ARHGEF38: variants seen among roughly 807,000 people sequenced by gnomAD.
ARHGEF38 encodes the protein Rho guanine nucleotide exchange factor 38, also known as Rho guanine nucleotide exchange factor (GEF) 38.
In ARHGEF38, 79 loss-of-function variants were observed where a neutral mutation model predicts 79.9. The observed-to-expected ratio is 0.99, with a 90% CI of 0.82 to 1.19. The LOEUF is 1.19. ARHGEF38 is among the 50% of genes most tolerant of loss of function. The pLI is 0.00. For synonymous variants in ARHGEF38, 366 were observed against 328.3 expected, an observed-to-expected ratio of 1.11 and a Z score of -1.24; for missense variants, 962 against 907.2, an observed-to-expected ratio of 1.06 and a Z score of -0.78.
At chr4:105,583,582 C>A (rs1193161398) in intron 1 of ARHGEF38, among the ~76,000 whole-genome samples, 1 of 152,214 alleles carries the variant, frequency 6.6e-6, no homozygotes, top group East Asian at 1.9e-4. Context: ...ACGTTTTAAG[C>A]TCTTCCTAGC....
chr4:105,627,945 A>C (rs1368718546), intron 3 of ARHGEF38, among the ~76,000 whole-genome samples: 2 of 152,158 alleles, frequency 1.3e-5, no homozygotes, highest in Non-Finnish European at 2.9e-5. Context: ...TGGGGGAATA[A>C]ATGACTTTCA....
chr4:105,611,930 G>A, intron 2 of ARHGEF38, among the ~76,000 whole-genome samples: 1 of 152,092 alleles, frequency 6.6e-6, no homozygotes, highest in East Asian at 1.9e-4. Flanking sequence ...AGGACAGGAT[G>A]AATGATGGGA....
At chr4:105,569,616 C>T (rs77167945) in intron 1 of ARHGEF38, among the ~76,000 whole-genome samples, 164 of 152,296 alleles carry the variant, frequency 1.1e-3, no homozygotes, top group African/African-American at 3.8e-3. Flanking sequence ...TATCTCAATT[C>T]TCACAACCTC....
At chr4:105,668,215 T>G (rs1473958250) in intron 13 of ARHGEF38, among the ~76,000 whole-genome samples, 3 of 151,948 alleles carry the variant, frequency 2.0e-5, no homozygotes, top group Admixed American at 2.0e-4. Flanking sequence ...GGAGTCTCAC[T>G]CTGTCGCCCA....
At chr4:105,553,952 C>T (rs1166137416) in intron 1 of ARHGEF38, among the ~76,000 whole-genome samples, 1 of 151,896 alleles carries the variant, frequency 6.6e-6, no homozygotes, top group African/African-American at 2.4e-5. Context: ...CAAATATGAG[C>T]TTAGATTTAG....
At chr4:105,632,398 A>G (rs1729232832) in intron 4 of ARHGEF38, among the ~76,000 whole-genome samples, 1 of 152,192 alleles carries the variant, frequency 6.6e-6, no homozygotes, top group South Asian at 2.1e-4. Context: ...TTAAGTCTTA[A>G]ATATAAGATG....
intron 4 of ARHGEF38, among the ~76,000 whole-genome samples, chr4:105,634,305 C>A (rs1729314732): frequency 6.6e-6 from 1 of 152,184 alleles, no homozygotes; most frequent in Non-Finnish European, 1.5e-5. Context: ...AGTTTGGAGA[C>A]CTTCAAAAAG....
intron 1 of ARHGEF38, among the ~76,000 whole-genome samples, chr4:105,582,300 A>AT (rs55720949): frequency 0.026 from 3,673 of 138,670 alleles, 84 homozygotes; most frequent in African/African-American, 0.055. Flanking sequence ...GGCTTATTGT[A>AT]TTTTTTTTTT....
At chr4:105,568,080 A>G (rs371702659) in intron 1 of ARHGEF38, among the ~76,000 whole-genome samples, 3 of 150,330 alleles carry the variant, frequency 2.0e-5, no homozygotes, top group Admixed American at 6.6e-5. Context: ...ATGATTTCCA[A>G]TTTCATCCAT....
intron 1 of ARHGEF38, among the ~76,000 whole-genome samples, chr4:105,574,003 T>A (rs890790971): frequency 1.3e-5 from 2 of 152,178 alleles, no homozygotes; most frequent in Non-Finnish European, 2.9e-5. Context: ...TTTCTTAATA[T>A]TTTTTCAGAT....
chr4:105,613,654 ATGCAGACTC>A (rs1448844126), intron 3 of ARHGEF38, 147 bp downstream of exon 3: 19 of 822,768 alleles, frequency 2.3e-5, no homozygotes, highest in Non-Finnish European at 2.9e-5. Context: ...CATTGTGATT[ATGCAGACTC>A]TGTGTTTATT....
chr4:105,609,155 T>C (rs1280037296), intron 2 of ARHGEF38, among the ~76,000 whole-genome samples: 4 of 152,124 alleles, frequency 2.6e-5, no homozygotes, highest in South Asian at 2.1e-4. Context: ...TACGTTTAAG[T>C]CTTCATTTTG....
At chr4:105,623,188 T>A (rs1728809281) in intron 3 of ARHGEF38, among the ~76,000 whole-genome samples, 1 of 152,192 alleles carries the variant, frequency 6.6e-6, no homozygotes, top group East Asian at 1.9e-4. Context: ...CAGAACAGTG[T>A]CTTTAATAAC....
chr4:105,644,962 T>C (rs1729774520), intron 5 of ARHGEF38, among the ~76,000 whole-genome samples: 1 of 152,224 alleles, frequency 6.6e-6, no homozygotes, highest in Non-Finnish European at 1.5e-5. Flanking sequence ...TTGAGACAAT[T>C]TGATGGAAAG....
At chr4:105,597,591 A>G (rs1298926176) in intron 2 of ARHGEF38, among the ~76,000 whole-genome samples, 1 of 152,120 alleles carries the variant, frequency 6.6e-6, no homozygotes, top group Non-Finnish European at 1.5e-5. Flanking sequence ...AAAGTTGGCT[A>G]CTCTCTAAAA....
At chr4:105,609,563 A>T (rs922951572) in intron 2 of ARHGEF38, among the ~76,000 whole-genome samples, 1 of 152,118 alleles carries the variant, frequency 6.6e-6, no homozygotes, top group Non-Finnish European at 1.5e-5. Context: ...TGCAATTCCT[A>T]TTAAAATTTC....
Position 105,655,921 on chromosome 4 carries a change from G to A in ARHGEF38, c.1233+199G>A, listed in dbSNP as rs138562290. On this transcript the variant is annotated intron_variant, in intron 9 of 13. Coordinates refer to ENST00000420470, the MANE Select transcript of ARHGEF38 (RefSeq NM_001242729.2). ...GGATTAGTGAGGATTTTACTATGAT[G>A]GAAATTTAAGAGGACCACAGATTGT... Among the ~76,000 whole-genome samples, 899 of 152,190 alleles carry A rather than the reference G, an allele frequency of 5.9e-3. 7 individuals carry two copies. The highest frequency in any genetic ancestry group is 0.021 in the Middle Eastern group (6 of 292).
chr4:105,645,288 CCT>C lies in ARHGEF38; in HGVS notation c.777_778del (p.Pro260LeufsTer19). 6.5e-7 allele frequency: 1 copy of C among 1,536,588 alleles called. No homozygotes were observed. The highest frequency in any genetic ancestry group is 8.7e-7 in the Non-Finnish European group (1 of 1,146,962). On this transcript the variant is annotated frameshift_variant, in exon 6 of 14. Transcript: ENST00000420470. LOFTEE classifies it high-confidence loss of function. ...LLLCELRNSTPPSHPDYRALD... is the reference protein window; with the variant it reads ...LLLCELRNSTXPSHPDYRALD... ...ACTGTGCGAACTTCGGAATTCCACC[CCT>C]CCCTCTCACCCAGATTACAGAGCAC...
chr4:105,606,708 G>A (rs776030787), intron 2 of ARHGEF38, among the ~76,000 whole-genome samples: 40 of 151,984 alleles, frequency 2.6e-4, no homozygotes, highest in Non-Finnish European at 5.3e-4. Context: ...TGGTGCAATT[G>A]AGGAAAATTA....
Sources: gnomAD v4.1 joint callset for allele counts (sites outside exome capture counted in the v4.1 genomes callset) on GRCh38, gnomAD v4.1.1 for gene constraint, MANE v1.5 for transcripts, NCBI Gene and HGNC (gene_info 2026-07-23, HGNC 2026-07-21) for gene names.